Variants in HS3ST1 observed in about 807,000 individuals in gnomAD.
The protein encoded by HS3ST1 is heparan sulfate-glucosamine 3-sulfotransferase 1.
HS3ST1 carries 8 observed loss-of-function variants against 20.7 expected under a neutral mutation model. That is an observed-to-expected ratio of 0.39 (90% CI 0.23 to 0.70). The LOEUF is 0.70. Ranked by LOEUF, HS3ST1 falls within the 30% of genes least tolerant of loss-of-function variation. HS3ST1 has a pLI of 0.46. For synonymous variants in HS3ST1, 205 were observed against 190.4 expected (o/e 1.08, Z -0.63); for missense variants, 436 against 423.4 (o/e 1.03, Z -0.26).
At position 11,426,038 on chromosome 4, in the gene HS3ST1, C is replaced by G. The variant is rs192670345; in HGVS notation, c.-109+2661G>C. Among the ~76,000 whole-genome samples the G allele has an allele frequency of 3.3e-5, 5 of 152,334 alleles. No homozygotes were observed. In the East Asian group the frequency reaches 5.8e-4, roughly 18 times the overall value. On this transcript the variant is annotated intron_variant, in intron 1 of 1. Transcript: ENST00000002596. Reference sequence around the variant, plus strand: ...AAAAGTTACCACTCTCCTGCAACAACTGTCTCTAACACAGGGACCCAGGCT... The same window carrying G: ...AAAAGTTACCACTCTCCTGCAACAAGTGTCTCTAACACAGGGACCCAGGCT...
chr4:11,431,939 A>C (rs1324757763), upstream of HS3ST1, among the ~76,000 whole-genome samples: 1 of 152,210 alleles, frequency 6.6e-6, no homozygotes, highest in Non-Finnish European at 1.5e-5. Flanking sequence ...ACCTGACTCC[A>C]AAGTGCATCT....
intron 1 of HS3ST1, among the ~76,000 whole-genome samples, chr4:11,414,953 G>T (rs1718734050): frequency 6.6e-6 from 1 of 152,124 alleles, no homozygotes; most frequent in African/African-American, 2.4e-5. Context: ...AATGTAAGAA[G>T]AAAATGAGGT....
rs1331391344 is a variant in HS3ST1, at chr4:11,399,001, TG to T, written c.*80del. 8.1e-7 allele frequency: 1 copy of T among 1,237,898 alleles called. No homozygotes were observed. Among genetic ancestry groups the T allele is most frequent in the Non-Finnish European group, 1.1e-6 (1 of 887,264 alleles). The allele number at this position is 1,237,898 out of a possible 1,614,324, so 76.7% of individuals were successfully genotyped here. ...TTTTACAAATAAATTATACCTTAAA[TG>T]CTTTTTTAAAATTCTTTTTCCCCTC... On this transcript the variant is annotated 3_prime_UTR_variant, in exon 2 of 2. Coordinates refer to ENST00000002596, the MANE Select transcript of HS3ST1 (RefSeq NM_005114.4). This position sits in a 1 kb window ranked among gnomAD's most constrained non-coding sequence, Gnocchi z 5.1.
At chr4:11,420,693 C>T (rs534805070) in intron 1 of HS3ST1, among the ~76,000 whole-genome samples, 2 of 152,306 alleles carry the variant, frequency 1.3e-5, no homozygotes, top group East Asian at 3.9e-4. Flanking sequence ...ATCAGACTCA[C>T]TTCTTCAATG....
intron 1 of HS3ST1, among the ~76,000 whole-genome samples, chr4:11,407,972 T>C (rs1454443918): frequency 2.6e-5 from 4 of 152,248 alleles, no homozygotes; most frequent in East Asian, 1.9e-4. Context: ...CAATGTCTTT[T>C]GTTTTTTATT....
At chr4:11,403,099 TACAC>T (rs1269690221) in intron 1 of HS3ST1, among the ~76,000 whole-genome samples, 1 of 152,242 alleles carries the variant, frequency 6.6e-6, no homozygotes, top group East Asian at 1.9e-4. Context: ...CACATATACA[TACAC>T]ACATACTATA....
chr4:11,423,221 C>CT (rs1223025268), intron 1 of HS3ST1, among the ~76,000 whole-genome samples: 2 of 152,190 alleles, frequency 1.3e-5, no homozygotes, highest in African/African-American at 2.4e-5. Flanking sequence ...TCAATGTACT[C>CT]TAACACGTAA....
chr4:11,410,439 T>G (rs542056045), intron 1 of HS3ST1, among the ~76,000 whole-genome samples: 2 of 152,276 alleles, frequency 1.3e-5, no homozygotes, highest in East Asian at 1.9e-4. Context: ...AAGCATTCAT[T>G]CAGGGCAGTA....
chr4:11,426,362 G>GC lies in HS3ST1; in HGVS notation c.-109+2336_-109+2337insG, dbSNP rs1370185721. ...CTTCCATGTGGCTTTTCCCTTCAGA[G>GC]GCCCCCCCCCCAACCCTCACAAGAT... is the stretch of plus-strand genomic sequence containing the variant. On this transcript the variant is annotated intron_variant, in intron 1 of 1. Coordinates refer to ENST00000002596, the MANE Select transcript of HS3ST1 (RefSeq NM_005114.4). Among the ~76,000 whole-genome samples, 493 of 110,972 alleles carry GC rather than the reference G, an allele frequency of 4.4e-3. 2 individuals carry two copies. The highest frequency in any genetic ancestry group is 8.7e-3 in the African/African-American group (197 of 22,562). The allele number at this position is 110,972 out of a possible 152,430, so 72.8% of individuals were successfully genotyped here.
rs1471780781 is a variant in HS3ST1, at chr4:11,393,912, C to G, written c.*5170G>C. On this transcript the variant is annotated 3_prime_UTR_variant, in exon 2 of 2. Coordinates refer to ENST00000002596, the MANE Select transcript of HS3ST1 (RefSeq NM_005114.4). ...ATCCTTCAGAAAATAGTACAGAAGACAATCTTTGTGGCAGCTGGGGTTGAG... is the reference window on the plus strand; with the variant it reads ...ATCCTTCAGAAAATAGTACAGAAGAGAATCTTTGTGGCAGCTGGGGTTGAG... 1 of 152,182 alleles carries G rather than the reference C, an allele frequency of 6.6e-6. No homozygotes were observed. Among genetic ancestry groups the G allele is most frequent in the Non-Finnish European group, 1.5e-5 (1 of 68,034 alleles). 9.4% of individuals were successfully genotyped at this position (152,182 alleles called of 1,614,324 possible).
At position 11,425,996 on chromosome 4, in the gene HS3ST1, T is replaced by C. The variant is rs572799429; in HGVS notation, c.-109+2703A>G. ...AGCACTAGCTGGAAAGTTACTGCAT[T>C]TCCCTGGAAGCTGCTAAAAAGTTAC... is the stretch of plus-strand genomic sequence containing the variant. On this transcript the variant is annotated intron_variant, in intron 1 of 1. Coordinates refer to ENST00000002596, the MANE Select transcript of HS3ST1 (RefSeq NM_005114.4). Among the ~76,000 whole-genome samples the C allele has an allele frequency of 2.6e-4, 40 of 152,254 alleles. No individual in the cohort carries two copies. In the South Asian group the frequency reaches 7.9e-3, roughly 30 times the overall value.
intron 1 of HS3ST1, among the ~76,000 whole-genome samples, chr4:11,402,220 T>C (rs746475877): frequency 1.8e-4 from 27 of 152,172 alleles, no homozygotes; most frequent in South Asian, 2.1e-4. Context: ...GAAAAACATA[T>C]TAAAGAGCAA....
chr4:11,427,482 A>C (rs1344111729), intron 1 of HS3ST1, among the ~76,000 whole-genome samples: 1 of 152,184 alleles, frequency 6.6e-6, no homozygotes, highest in Non-Finnish European at 1.5e-5. Context: ...AGCGCAGCGC[A>C]AAGACAGTGG....
Position 11,396,262 on chromosome 4 carries a change from A to T in HS3ST1, c.*2820T>A, listed in dbSNP as rs1239947394. 1 of 152,274 alleles carries T rather than the reference A, an allele frequency of 6.6e-6. No individual in the cohort carries two copies. Among genetic ancestry groups the T allele is most frequent in the Admixed American group, 6.5e-5 (1 of 15,282 alleles). The allele number at this position is 152,274 out of a possible 1,614,324, so 9.4% of individuals were successfully genotyped here. On this transcript the variant is annotated 3_prime_UTR_variant, in exon 2 of 2. Transcript: ENST00000002596. ...CTGATAACCAAATGGTGTTAAAAGG[A>T]TTTCAACCCTATCTGATTCCAGGAG... is the stretch of plus-strand genomic sequence containing the variant.
At chr4:11,408,504 C>T (rs150843663) in intron 1 of HS3ST1, among the ~76,000 whole-genome samples, 5 of 152,300 alleles carry the variant, frequency 3.3e-5, no homozygotes, top group East Asian at 3.9e-4. Flanking sequence ...TAGAAGGGCA[C>T]GCAGTGGCTG....
chr4:11,424,249 A>G (rs527407523), intron 1 of HS3ST1, among the ~76,000 whole-genome samples: 2 of 152,342 alleles, frequency 1.3e-5, no homozygotes, highest in South Asian at 4.1e-4. Flanking sequence ...ATAATGTATT[A>G]GAGAAAAAGA....
At chr4:11,427,280 GC>G (rs1257870028) in intron 1 of HS3ST1, among the ~76,000 whole-genome samples, 1 of 152,234 alleles carries the variant, frequency 6.6e-6, no homozygotes, top group African/African-American at 2.4e-5. Flanking sequence ...GAAAGCGGGA[GC>G]GTGGGGACTC....
At chr4:11,403,756 G>A (rs569714377) in intron 1 of HS3ST1, among the ~76,000 whole-genome samples, 45 of 152,306 alleles carry the variant, frequency 3.0e-4, no homozygotes, top group Non-Finnish European at 5.3e-4. Context: ...GTTCTGTTCA[G>A]TAGAAGGGTC....
rs569448121 is a variant in HS3ST1, at chr4:11,423,923, C to T, written c.-109+4776G>A. ...GCCTGTGTGACAGATATAAGGCTTA[C>T]ACACAGAAATGTTTGGTTTGGCCCA... On this transcript the variant is annotated intron_variant, in intron 1 of 1. Coordinates refer to ENST00000002596, the MANE Select transcript of HS3ST1 (RefSeq NM_005114.4). 3.2e-4 allele frequency among the ~76,000 whole-genome samples: 49 copies of T among 151,456 alleles called. No individual in the cohort carries two copies. In the East Asian group the frequency reaches 9.5e-3, roughly 29 times the overall value.
Sources: gnomAD v4.1 joint callset for allele counts (sites outside exome capture counted in the v4.1 genomes callset) on GRCh38, gnomAD v4.1.1 for gene constraint, Gnocchi (gnomAD v3.1) non-coding constraint, MANE v1.5 for transcripts, NCBI Gene and HGNC (gene_info 2026-07-23, HGNC 2026-07-21) for gene names.